GHRL: variants seen among roughly 807,000 people sequenced by gnomAD.
GHRL encodes the protein ghrelin and obestatin prepropeptide, also known as appetite-regulating hormone.
A neutral mutation model predicts 16.9 loss-of-function variants in GHRL; 24 were observed. The observed-to-expected ratio is 1.42, with a 90% CI of 1.03 to 2.00. GHRL has a LOEUF of 2.00. Among genes scored for constraint, GHRL ranks in the 30% most tolerant of loss-of-function variants. The pLI is 0.00. For synonymous variants in GHRL, 63 were observed against 58.2 expected, an observed-to-expected ratio of 1.08 and a Z score of -0.37; for missense variants, 193 against 142.1, an observed-to-expected ratio of 1.36 and a Z score of -1.82.
At chr3:10,286,004 G>A in intron 5 of GHRL, 110 bp from the exon 6 acceptor site, 1 of 976,422 alleles carries the variant, frequency 1.0e-6, no homozygotes, top group South Asian at 1.4e-5. Flanking sequence ...TTGTGGGGAA[G>A]CACTGGCCTT....
At chr3:10,290,563 G>A (rs923943382) in intron 2 of GHRL, among the ~76,000 whole-genome samples, 153 bp downstream of exon 2, 3 of 152,184 alleles carry the variant, frequency 2.0e-5, no homozygotes, top group Admixed American at 2.0e-4. Context: ...GTTAGAGGTA[G>A]CTCCTAAATG....
At position 10,290,673 on chromosome 3, in the gene GHRL, TAAACCTGTCAGC is replaced by T. The variant is rs907513300; in HGVS notation, c.-30+31_-30+42del. 37 of 991,428 alleles carry T rather than the reference TAAACCTGTCAGC, an allele frequency of 3.7e-5. No homozygotes were observed. In the African/African-American group the frequency reaches 5.9e-4, roughly 16 times the overall value. The allele number at this position is 991,428 out of a possible 1,614,324, so 61.4% of individuals were successfully genotyped here. On this transcript the variant is annotated intron_variant, in intron 2 of 5. Transcript: ENST00000335542. ...ACGGACGGGCAGCAGTCACGGACAA[TAAACCTGTCAGC>T]AAACGCACACGGAGAGTAGAGAGAG...
chr3:10,285,987 G>C, intron 5 of GHRL, 93 bp from the exon 6 acceptor site: 1 of 1,099,298 alleles, frequency 9.1e-7, no homozygotes, highest in Admixed American at 1.8e-5. Flanking sequence ...GGATGTAATG[G>C]TGGGGGTTGT....
At position 10,289,799 on chromosome 3, in the gene GHRL, C is replaced by T. The variant is rs1463663958; in HGVS notation, c.188G>A (p.Gly63Asp). The T allele has an allele frequency of 1.2e-6, 2 of 1,613,204 alleles. No individual in the cohort carries two copies. Among genetic ancestry groups the T allele is most frequent in the East Asian group, 2.2e-5 (1 of 44,862 alleles). The stretch of plus-strand genomic sequence containing the variant: ...TTCATCCTCTGCCCCTTCTGCTTGA[C>T]CTCCATCTTCCGGGCGGAGCCAGCC... ...LAGWLRPEDGGQAEGAEDELE... is the reference protein window; with the variant it reads ...LAGWLRPEDGDQAEGAEDELE... Residue 63 changes from glycine (G) to aspartate (D), a missense_variant, in exon 4 of 6, where the codon GGT (glycine) becomes GAT (aspartate). By Grantham distance (94) the Gly-to-Asp change is moderately conservative (BLOSUM62 -1). Coordinates refer to ENST00000335542, the MANE Select transcript of GHRL (RefSeq NM_016362.5).
rs1455226765 is a variant in GHRL at position 10,290,715 on chromosome 3, C to T, written c.-30+1G>A. 1 of 1,002,280 alleles carries T rather than the reference C, an allele frequency of 1.0e-6. No homozygotes were observed. Among genetic ancestry groups the T allele is most frequent in the Non-Finnish European group, 1.2e-6 (1 of 840,366 alleles). The allele number at this position is 1,002,280 out of a possible 1,614,324, so 62.1% of individuals were successfully genotyped here. ...GCACACGGAGAGTAGAGAGAGCTTA[C>T]CTGCAGTTCCTGGCGGAGGTGGTGC... On this transcript the variant is annotated splice_donor_variant, in intron 2 of 5. Transcript: ENST00000335542. LOFTEE classifies it low-confidence loss of function (5UTR_SPLICE).
Position 10,289,771 on chromosome 3 carries a change from C to T in GHRL, c.216G>A (p.Leu72=). Residue 72 remains leucine (L), a synonymous_variant, in exon 4 of 6, where the codon CTG becomes CTA. Transcript: ENST00000335542. ...GGQAEGAEDE[L]EVRFNAPFDV... ...CTGCAGAGGTACCGACCCGGACTTC[C>T]AGTTCATCCTCTGCCCCTTCTGCTT... 1.2e-6 allele frequency: 2 copies of T among 1,600,122 alleles called. No individual in the cohort carries two copies.
chr3:10,286,192 G>T (rs1322404596), intron 5 of GHRL, among the ~76,000 whole-genome samples: 1 of 152,196 alleles, frequency 6.6e-6, no homozygotes, highest in African/African-American at 2.4e-5. Flanking sequence ...AGGTGTTTCT[G>T]CCACCTCAAT....
intron 4 of GHRL, among the ~76,000 whole-genome samples, chr3:10,288,460 C>A (rs1699425403): frequency 1.3e-5 from 2 of 152,250 alleles, no homozygotes. Context: ...ACCAGCCCCA[C>A]CTTGCGTCGT....
At chr3:10,288,892 C>T (rs35679) in intron 4 of GHRL, among the ~76,000 whole-genome samples, 23,029 of 152,240 alleles carry the variant, frequency 0.15, 2,308 homozygotes, top group Middle Eastern at 0.22. Context: ...TTCCACACAC[C>T]GCTGTGGTAC....
chr3:10,292,939 T>A lies in GHRL; in HGVS notation c.-863A>T. The stretch of plus-strand genomic sequence containing the variant: ...CCACTGTGCAAAGCTGTGTTATCTT[T>A]GGGGAACTGAAATGTCCCCTGGGAG... On this transcript the variant is annotated 5_prime_UTR_variant, in exon 1 of 6. Coordinates refer to ENST00000335542, the MANE Select transcript of GHRL (RefSeq NM_016362.5). 6.7e-7 allele frequency: 1 copy of A among 1,487,558 alleles called. No individual in the cohort carries two copies. The highest frequency in any genetic ancestry group is 9.1e-7 in the Non-Finnish European group (1 of 1,099,266). The allele number at this position is 1,487,558 out of a possible 1,614,324, so 92.1% of individuals were successfully genotyped here. A position where few individuals can be genotyped will look rare whatever the true frequency, so the allele number is the denominator to read the frequency against.
intron 4 of GHRL, among the ~76,000 whole-genome samples, chr3:10,288,646 G>A (rs1349300264): frequency 6.6e-6 from 1 of 152,242 alleles, no homozygotes; most frequent in East Asian, 1.9e-4. Flanking sequence ...TCTGAACACC[G>A]CCAGGTGCTG....
rs1299840117 is a variant in GHRL, at chr3:10,291,386, C to G, written c.-700G>C. On this transcript the variant is annotated 5_prime_UTR_variant, in exon 2 of 6. Coordinates refer to ENST00000335542, the MANE Select transcript of GHRL (RefSeq NM_016362.5). ...TTTTTTCACATAGCAGCTTGCCTTG[C>G]CTCCCTCCAGCAGCTTTGGTCCCTA... 1.0e-6 allele frequency: 1 copy of G among 985,390 alleles called. No individual in the cohort carries two copies. The highest frequency in any genetic ancestry group is 1.7e-5 in the African/African-American group (1 of 57,246). The allele number at this position is 985,390 out of a possible 1,614,324, so 61.0% of individuals were successfully genotyped here.
In GHRL at chr3:10,292,891, TAAGAC is replaced by T; in HGVS notation, c.-820_-816del. On this transcript the variant is annotated 5_prime_UTR_variant, in exon 1 of 6. An upstream open reading frame in the 5' UTR gains an earlier in-frame stop. Transcript: ENST00000335542. ...CACAGCTGCCAATGTTGATCTTAGA[TAAGAC>T]CACCAGCAAGTAAACATCCACTGTG... 3.9e-6 allele frequency: 6 copies of T among 1,549,118 alleles called. No individual in the cohort carries two copies. Among genetic ancestry groups the T allele is most frequent in the Non-Finnish European group, 4.4e-6 (5 of 1,145,516 alleles).
chr3:10,292,716 C>A, intron 1 of GHRL, 126 bp downstream of exon 1: 1 of 663,328 alleles, frequency 1.5e-6, no homozygotes, highest in Non-Finnish European at 2.7e-6. Context: ...GGAGAGAGGT[C>A]TGTAGTCCTC....
chr3:10,287,911 TG>T (rs1277274604), intron 4 of GHRL: 2 of 124,986 alleles, frequency 1.6e-5, no homozygotes, highest in Admixed American at 9.2e-5. Flanking sequence ...ATGACATGAT[TG>T]AATTTTTTTT....
intron 3 of GHRL, 70 bp downstream of exon 3, chr3:10,290,003 C>G: frequency 1.3e-6 from 2 of 1,575,988 alleles, no homozygotes; most frequent in Non-Finnish European, 1.7e-6. Context: ...CGCTGCTGCT[C>G]CAGGTCACAG....
At chr3:10,288,752 C>T (rs953010663) in intron 4 of GHRL, among the ~76,000 whole-genome samples, 6 of 152,170 alleles carry the variant, frequency 3.9e-5, no homozygotes, top group African/African-American at 1.2e-4. Context: ...GAGGCCAAGG[C>T]GGGCACATTT....
intron 1 of GHRL, 32 bp downstream of exon 1, chr3:10,292,808 CAG>C: frequency 7.8e-7 from 1 of 1,278,654 alleles, no homozygotes; most frequent in South Asian, 1.4e-5. Flanking sequence ...CTGTGGTGAC[CAG>C]GTACCTCCTG....
At chr3:10,287,567 C>G (rs1407377876) in intron 4 of GHRL, 2 of 153,800 alleles carry the variant, frequency 1.3e-5, no homozygotes, top group East Asian at 3.9e-4. Flanking sequence ...ACCTCGGTGC[C>G]TGGCCATATT....
Sources: allele counts gnomAD v4.1 joint callset (sites outside exome capture counted in the v4.1 genomes callset), GRCh38; gene constraint gnomAD v4.1.1; transcripts MANE v1.5; gene names NCBI Gene and HGNC (gene_info 2026-07-23, HGNC 2026-07-21).